PTPRM: variants seen among roughly 807,000 people sequenced by gnomAD.
The protein encoded by PTPRM is protein tyrosine phosphatase receptor type M.
Under a neutral mutation model 186.7 loss-of-function variants are expected in PTPRM, and 47 were observed. The ratio of observed to expected loss-of-function variants is 0.25; its 90% confidence interval spans 0.20 to 0.32. PTPRM has a LOEUF of 0.32. PTPRM is among the 10% of genes least tolerant of loss of function. The pLI, the probability that PTPRM is intolerant of heterozygous loss-of-function variation, is 1.00. For synonymous variants in PTPRM, 668 were observed against 674.9 expected (o/e 0.99, Z 0.16); for missense variants, 1,494 against 1,865.0 (o/e 0.80, Z 3.66).
At chr18:8,211,653 T>C (rs2094007965) in intron 14 of PTPRM, among the ~76,000 whole-genome samples, 1 of 152,084 alleles carries the variant, frequency 6.6e-6, no homozygotes, top group Non-Finnish European at 1.5e-5. Flanking sequence ...TCCGCCTGCC[T>C]CGCCCTCCCA....
chr18:8,240,462 A>T (rs74605606), intron 14 of PTPRM, among the ~76,000 whole-genome samples: 1 of 62,012 alleles, frequency 1.6e-5, no homozygotes, highest in Non-Finnish European at 2.9e-5. Flanking sequence ...AGAGAGAGAG[A>T]GAGGGAGGGA....
intron 1 of PTPRM, among the ~76,000 whole-genome samples, chr18:7,764,004 T>C (rs1362466054): frequency 1.3e-5 from 2 of 152,102 alleles, no homozygotes; most frequent in African/African-American, 4.8e-5. Flanking sequence ...ACCAGGATTG[T>C]TTTCTACCTA....
intron 2 of PTPRM, among the ~76,000 whole-genome samples, chr18:7,884,311 A>T (rs187373285): frequency 6.6e-6 from 1 of 152,244 alleles, no homozygotes; most frequent in Admixed American, 6.5e-5. Flanking sequence ...CTGCATAGAT[A>T]CACCAATTGG....
At chr18:7,983,774 C>T (rs1456692270) in intron 7 of PTPRM, among the ~76,000 whole-genome samples, 2 of 152,118 alleles carry the variant, frequency 1.3e-5, no homozygotes, top group Non-Finnish European at 2.9e-5. Flanking sequence ...AGGTCATTAT[C>T]AAGTTATCTC....
intron 4 of PTPRM, among the ~76,000 whole-genome samples, chr18:7,907,867 G>T (rs1415944154): frequency 6.6e-6 from 1 of 151,306 alleles, no homozygotes; most frequent in Non-Finnish European, 1.5e-5. Flanking sequence ...ATGGTTTCCA[G>T]CCATACAAAT....
chr18:8,106,527 A>T (rs1447107758), intron 11 of PTPRM, among the ~76,000 whole-genome samples: 1 of 152,144 alleles, frequency 6.6e-6, no homozygotes, highest in Non-Finnish European at 1.5e-5. Flanking sequence ...ACAAACCCTT[A>T]TCAGATCCTT....
intron 1 of PTPRM, among the ~76,000 whole-genome samples, chr18:7,580,997 C>T (rs1191379501): frequency 6.6e-6 from 1 of 152,166 alleles, no homozygotes; most frequent in African/African-American, 2.4e-5. Flanking sequence ...GTGTGATTCT[C>T]CTGTGCAGTC....
intron 14 of PTPRM, among the ~76,000 whole-genome samples, chr18:8,209,700 T>C (rs2093976441): frequency 6.6e-6 from 1 of 151,858 alleles, no homozygotes; most frequent in African/African-American, 2.4e-5. Flanking sequence ...TAGACCCTAA[T>C]CCAATATTTT....
intron 2 of PTPRM, among the ~76,000 whole-genome samples, chr18:7,784,973 C>T (rs1007427605): frequency 6.6e-6 from 1 of 151,984 alleles, no homozygotes; most frequent in Admixed American, 6.6e-5. Flanking sequence ...CCAAGAGGGG[C>T]AAGAGAAGGT....
At chr18:7,836,428 CTA>C (rs1431633099) in intron 2 of PTPRM, among the ~76,000 whole-genome samples, 3 of 152,078 alleles carry the variant, frequency 2.0e-5, no homozygotes, top group Non-Finnish European at 4.4e-5. Flanking sequence ...TCTTCTTGCA[CTA>C]TGTCTTGAAA....
rs557727628 is a variant in PTPRM at position 8,126,232 on chromosome 18, G to A, written c.2167+11405G>A. On this transcript the variant is annotated intron_variant, in intron 13 of 32. Transcript: ENST00000580170. ...TAAATTTATTCCTAGGTATTGTATA[G>A]CTTTCATTTATTATTGTGAGTAAAT... 2.7e-4 allele frequency among the ~76,000 whole-genome samples: 40 copies of A among 150,716 alleles called. No individual in the cohort carries two copies. In the South Asian group the frequency reaches 8.2e-3, roughly 31 times the overall value.
At chr18:7,809,392 C>T (rs914737581) in intron 2 of PTPRM, among the ~76,000 whole-genome samples, 1 of 152,174 alleles carries the variant, frequency 6.6e-6, no homozygotes, top group Admixed American at 6.5e-5. Context: ...AGCAAGTTCA[C>T]GGTCATGTAG....
intron 13 of PTPRM, among the ~76,000 whole-genome samples, chr18:8,117,422 T>G (rs544392838): frequency 6.6e-6 from 1 of 152,280 alleles, no homozygotes; most frequent in South Asian, 2.1e-4. Flanking sequence ...ATAGAGAAAG[T>G]ATGGAGGTGG....
At chr18:7,712,971 C>T (rs897049278) in intron 1 of PTPRM, among the ~76,000 whole-genome samples, 1 of 151,952 alleles carries the variant, frequency 6.6e-6, no homozygotes, top group Non-Finnish European at 1.5e-5. Flanking sequence ...GGAGAAATTC[C>T]CCAACCTAGC....
At chr18:8,398,979 T>A (rs533796974) in intron 32 of PTPRM, among the ~76,000 whole-genome samples, 1 of 152,228 alleles carries the variant, frequency 6.6e-6, no homozygotes, top group East Asian at 1.9e-4. Context: ...AGATTGTATA[T>A]AAGTCTGTAA....
At position 8,113,773 on chromosome 18, in the gene PTPRM, A is replaced by G; in HGVS notation, c.2130+14A>G. 1 of 1,600,106 alleles carries G rather than the reference A, an allele frequency of 6.2e-7. No individual in the cohort carries two copies. The highest frequency in any genetic ancestry group is 1.1e-5 in the South Asian group (1 of 89,708). ...AGAGCCAATGGGGTAAGTTGTACAG[A>G]TAACTGTTTACTTAGGCTATTTGGG... On this transcript the variant is annotated intron_variant, in intron 12 of 32. Coordinates refer to ENST00000580170, the MANE Select transcript of PTPRM (RefSeq NM_001105244.2).
intron 3 of PTPRM, among the ~76,000 whole-genome samples, chr18:7,902,066 C>T (rs748598497): frequency 6.6e-6 from 1 of 152,180 alleles, no homozygotes; most frequent in African/African-American, 2.4e-5. Flanking sequence ...TATGGGTAGG[C>T]ATGCACACAT....
intron 10 of PTPRM, among the ~76,000 whole-genome samples, chr18:8,087,820 C>T (rs957486780): frequency 1.3e-5 from 2 of 152,072 alleles, no homozygotes; most frequent in South Asian, 2.1e-4. Flanking sequence ...TGCAAGAAAA[C>T]GACCTCTAGC....
At chr18:8,244,030 C>A (rs1425715020) in intron 14 of PTPRM, 28 bp from the exon 15 acceptor site, 2 of 1,595,106 alleles carry the variant, frequency 1.3e-6, no homozygotes, top group Non-Finnish European at 1.7e-6. Context: ...CAAATGCATG[C>A]CTACATAATT....
Sources: gnomAD v4.1 joint callset for allele counts (sites outside exome capture counted in the v4.1 genomes callset) on GRCh38, gnomAD v4.1.1 for gene constraint, MANE v1.5 for transcripts, NCBI Gene and HGNC (gene_info 2026-07-23, HGNC 2026-07-21) for gene names.